SLC25A21: variants seen among roughly 807,000 people sequenced by gnomAD.
SLC25A21 encodes mitochondrial 2-oxodicarboxylate carrier.
Under a neutral mutation model 43.8 loss-of-function variants are expected in SLC25A21, and 47 were observed. That is an observed-to-expected ratio of 1.07 (90% CI 0.85 to 1.37). The LOEUF (loss-of-function observed/expected upper bound fraction) is 1.37, where lower values mean the gene tolerates loss of function less well. Ranked by LOEUF, SLC25A21 falls within the 40% of genes most tolerant of loss-of-function variation. The pLI, the probability that SLC25A21 is intolerant of heterozygous loss-of-function variation, is 0.00. For synonymous variants in SLC25A21, 131 were observed against 121.3 expected, an observed-to-expected ratio of 1.08 and a Z score of -0.52; for missense variants, 352 against 350.2, an observed-to-expected ratio of 1.00 and a Z score of -0.04.
At chr14:36,915,029 T>C (rs1891793346) in intron 1 of SLC25A21, among the ~76,000 whole-genome samples, 1 of 152,154 alleles carries the variant, frequency 6.6e-6, no homozygotes. Flanking sequence ...ACTTACTATT[T>C]TTTTTTACCC....
chr14:36,923,031 A>T (rs2138626828), intron 1 of SLC25A21, among the ~76,000 whole-genome samples: 1 of 152,284 alleles, frequency 6.6e-6, no homozygotes, highest in African/African-American at 2.4e-5. Flanking sequence ...AGAGGTGGGG[A>T]AATTAGTAGA....
intron 1 of SLC25A21, among the ~76,000 whole-genome samples, chr14:36,903,836 T>C (rs1891462691): frequency 6.6e-6 from 1 of 152,182 alleles, no homozygotes; most frequent in Admixed American, 6.6e-5. Flanking sequence ...CCTCTGACTT[T>C]CGGATTAGCC....
chr14:37,092,251 A>T (rs1053735978), intron 1 of SLC25A21, among the ~76,000 whole-genome samples: 3 of 152,186 alleles, frequency 2.0e-5, no homozygotes, highest in African/African-American at 7.2e-5. Context: ...CCTTTCAAAT[A>T]TGTTCCTTTT....
At chr14:36,857,193 T>C (rs1353663216) in intron 2 of SLC25A21, among the ~76,000 whole-genome samples, 2 of 152,230 alleles carry the variant, frequency 1.3e-5, no homozygotes, top group Admixed American at 6.5e-5. Flanking sequence ...GTCTCCAGCA[T>C]TTCTTAGCCT....
intron 7 of SLC25A21, among the ~76,000 whole-genome samples, chr14:36,709,980 T>C (rs1883763838): frequency 6.6e-6 from 1 of 152,208 alleles, no homozygotes; most frequent in Non-Finnish European, 1.5e-5. Context: ...TCTGTGATAC[T>C]ATGGCTTAAA....
intron 2 of SLC25A21, among the ~76,000 whole-genome samples, chr14:36,823,117 T>C (rs1016539796): frequency 6.6e-6 from 1 of 152,190 alleles, no homozygotes; most frequent in East Asian, 1.9e-4. Flanking sequence ...TTATATTACT[T>C]ATGGGATAAT....
intron 1 of SLC25A21, among the ~76,000 whole-genome samples, chr14:36,939,702 T>C (rs934938273): frequency 2.0e-5 from 3 of 152,100 alleles, no homozygotes; most frequent in African/African-American, 7.2e-5. Context: ...TAAATACATA[T>C]AAAAATAAAT....
At chr14:36,891,212 A>G (rs904725972) in intron 1 of SLC25A21, among the ~76,000 whole-genome samples, 3 of 152,228 alleles carry the variant, frequency 2.0e-5, no homozygotes, top group Admixed American at 6.5e-5. Context: ...GATGAAAATT[A>G]TAACTCTGAA....
chr14:36,874,981 G>A lies in SLC25A21; in HGVS notation c.94C>T (p.His32Tyr), dbSNP rs1001467397. The change falls in exon 2 of 10, where the codon CAC becomes TAC. Residue 32 changes from histidine to tyrosine, a missense_variant. By Grantham distance (83) the His-to-Tyr change is moderately conservative (BLOSUM62 2). Transcript: ENST00000331299. ...SAGLVEICLM[H>Y]PLDVVKTRFQ... is the part of the protein sequence containing the mutation. ...CTGGTTTTCACCACATCTAGGGGGT[G>A]CATCAGGCAAATTTCTACAAGACCT... is the stretch of plus-strand genomic sequence containing the variant. 3 of 1,610,364 alleles carry A rather than the reference G, an allele frequency of 1.9e-6. No individual in the cohort carries two copies. Among genetic ancestry groups the A allele is most frequent in the Non-Finnish European group, 2.5e-6 (3 of 1,178,346 alleles).
intron 1 of SLC25A21, among the ~76,000 whole-genome samples, chr14:37,017,144 A>G (rs140338216): frequency 1.3e-5 from 2 of 152,212 alleles, no homozygotes. Context: ...GTTTAGTGCA[A>G]GAGGCCTAGC....
At chr14:36,995,420 CA>C (rs1234471080) in intron 1 of SLC25A21, among the ~76,000 whole-genome samples, 2 of 151,908 alleles carry the variant, frequency 1.3e-5, no homozygotes, top group Non-Finnish European at 2.9e-5. Flanking sequence ...GAGAACATGA[CA>C]AAAAAAGTAA....
intron 7 of SLC25A21, among the ~76,000 whole-genome samples, chr14:36,708,898 A>G (rs1039842435): frequency 9.9e-5 from 15 of 150,832 alleles, no homozygotes; most frequent in African/African-American, 3.4e-4. Flanking sequence ...TTTTTTTTTA[A>G]ACAATTGAGA....
chr14:37,060,074 T>C (rs1200378711), intron 1 of SLC25A21, among the ~76,000 whole-genome samples: 1 of 151,996 alleles, frequency 6.6e-6, no homozygotes, highest in African/African-American at 2.4e-5. Context: ...GTTAAAATCC[T>C]AGCCCCTTTA....
chr14:36,998,681 C>T (rs1960423684), intron 1 of SLC25A21, among the ~76,000 whole-genome samples: 2 of 150,544 alleles, frequency 1.3e-5, no homozygotes, highest in South Asian at 2.1e-4. Flanking sequence ...CCAAAACATA[C>T]AAAGAACACT....
At chr14:36,979,081 CT>C (rs774588377) in intron 1 of SLC25A21, among the ~76,000 whole-genome samples, 4 of 151,978 alleles carry the variant, frequency 2.6e-5, no homozygotes, top group Non-Finnish European at 4.4e-5. Flanking sequence ...GAGCAAGACC[CT>C]GTATCAAAAA....
chr14:37,068,798 G>A (rs1004415704), intron 1 of SLC25A21, among the ~76,000 whole-genome samples: 4 of 152,102 alleles, frequency 2.6e-5, no homozygotes, highest in Non-Finnish European at 5.9e-5. Context: ...GGCAGAAAAA[G>A]ATCTATGAGC....
At chr14:37,153,663 G>A (rs979750691) in intron 1 of SLC25A21, among the ~76,000 whole-genome samples, 1 of 152,180 alleles carries the variant, frequency 6.6e-6, no homozygotes, top group African/African-American at 2.4e-5. Flanking sequence ...CCAGTGGTGG[G>A]GCCTCAGCAT....
intron 2 of SLC25A21, among the ~76,000 whole-genome samples, chr14:36,824,767 C>T: frequency 6.7e-6 from 1 of 149,686 alleles, no homozygotes. Context: ...ACTTATATAG[C>T]CCCCAGCTGA....
At chr14:36,948,918 A>G (rs1594712815) in intron 1 of SLC25A21, among the ~76,000 whole-genome samples, 1 of 152,208 alleles carries the variant, frequency 6.6e-6, no homozygotes, top group South Asian at 2.1e-4. Context: ...TGGATTTGTC[A>G]TATATGGTTT....
Sources: allele counts gnomAD v4.1 joint callset (sites outside exome capture counted in the v4.1 genomes callset), GRCh38; gene constraint gnomAD v4.1.1; transcripts MANE v1.5; gene names NCBI Gene and HGNC (gene_info 2026-07-23, HGNC 2026-07-21).